Variants in ATP1B2 observed in about 807,000 individuals in gnomAD.
ATP1B2 encodes sodium/potassium-transporting ATPase subunit beta-2.
ATP1B2 carries 12 observed loss-of-function variants against 37.3 expected under a neutral mutation model. The observed-to-expected ratio is 0.32, with a 90% confidence interval of 0.21 to 0.52. The LOEUF (loss-of-function observed/expected upper bound fraction) is 0.52, where lower values mean the gene tolerates loss of function less well. ATP1B2 is among the 20% of genes least tolerant of loss of function. The probability of loss-of-function intolerance (pLI) is 0.96; values close to 1 mark genes in which losing one functional copy is unlikely to be tolerated. For synonymous variants in ATP1B2, 139 were observed against 140.5 expected (o/e 0.99, Z 0.07); for missense variants, 324 against 391.6 (o/e 0.83, Z 1.46).
chr17:7,650,255 G>A (rs2072601295), upstream of ATP1B2, among the ~76,000 whole-genome samples: 1 of 152,136 alleles, frequency 6.6e-6, no homozygotes, highest in Non-Finnish European at 1.5e-5. Context: ...GCAGTGCTGG[G>A]GACTGGGAAT....
In ATP1B2 at chr17:7,653,490, C is replaced by T; in HGVS notation, c.229C>T (p.Leu77=). ...SDHTPKYQDR[L]ATPGLMIRPK... ...CCATACCCCCAAGTACCAGGACCGA[C>T]TGGCCACACCGGGTGAGTGTGGAGG... The change falls in exon 2 of 7, where the codon CTG becomes TTG. Residue 77 remains leucine (L), a synonymous_variant. Coordinates refer to ENST00000250111, the MANE Select transcript of ATP1B2 (RefSeq NM_001678.5). The T allele has an allele frequency of 6.2e-7, 1 of 1,614,158 alleles. No individual in the cohort carries two copies. The highest frequency in any genetic ancestry group is 8.5e-7 in the Non-Finnish European group (1 of 1,180,008).
chr17:7,654,232 C>T lies in ATP1B2; in HGVS notation c.527C>T (p.Pro176Leu). 3 of 1,614,040 alleles carry T rather than the reference C, an allele frequency of 1.9e-6. No homozygotes were observed. The highest frequency in any genetic ancestry group is 2.5e-6 in the Non-Finnish European group (3 of 1,179,926). Residue 176 changes from proline (P) to leucine (L), a missense_variant, in exon 4 of 7, where the codon CCC becomes CTC. Pro to Leu is a moderately conservative substitution (Grantham distance 98, BLOSUM62 -3). Transcript: ENST00000250111. The surrounding 1 kb of genome is among the most constrained non-coding windows in gnomAD (Gnocchi z 4.9). ...STHYGYSTGQPCVFIKMNRVI... is the reference protein window; with the variant it reads ...STHYGYSTGQLCVFIKMNRVI... ...CACTATGGTTACAGCACTGGGCAGC[C>T]CTGTGTCTTCATCAAGATGAACCGG...
At chr17:7,650,906 G>A (rs1200098050), upstream of ATP1B2, among the ~76,000 whole-genome samples, 6 of 152,166 alleles carry the variant, frequency 3.9e-5, no homozygotes, top group African/African-American at 1.4e-4. Flanking sequence ...TAAAGACCGC[G>A]CTCGGCGACC....
chr17:7,648,812 G>T (rs557329284), upstream of ATP1B2, among the ~76,000 whole-genome samples: 1 of 152,122 alleles, frequency 6.6e-6, no homozygotes, highest in Admixed American at 6.5e-5. Flanking sequence ...TAGCCTGTAG[G>T]ATAGAGTCCT....
rs1462695842 is a variant in ATP1B2 at position 7,654,023 on chromosome 17, C to A, written c.347-29C>A. ...GGACCTTGGAAGTGGAACATCTGGCCCCTGAGTCTCTCCCTCCCACCTCTT... is the reference window on the plus strand; with the variant it reads ...GGACCTTGGAAGTGGAACATCTGGCACCTGAGTCTCTCCCTCCCACCTCTT... On this transcript the variant is annotated intron_variant, in intron 3 of 6. Transcript: ENST00000250111. This position sits in a 1 kb window ranked among gnomAD's most constrained non-coding sequence, Gnocchi z 4.9. 1.2e-6 allele frequency: 2 copies of A among 1,613,346 alleles called. No individual in the cohort carries two copies. The highest frequency in any genetic ancestry group is 2.7e-5 in the African/African-American group (2 of 74,886).
chr17:7,648,439 C>T (rs1440315761), upstream of ATP1B2, among the ~76,000 whole-genome samples: 1 of 151,268 alleles, frequency 6.6e-6, no homozygotes, highest in Non-Finnish European at 1.5e-5. Context: ...ATTAGCCGGG[C>T]GTGGTGGTAG....
Position 7,655,484 on chromosome 17 carries a change from C to T in ATP1B2, c.610-43C>T, listed in dbSNP as rs2072643590. 2.5e-6 allele frequency: 4 copies of T among 1,590,164 alleles called. No homozygotes were observed. ...GTCTGGTGAGCTCCTGGGTGCCTGC[C>T]ATCCCTAACTGGCTCACCCCCTATC... On this transcript the variant is annotated intron_variant, in intron 5 of 6. Coordinates refer to ENST00000250111, the MANE Select transcript of ATP1B2 (RefSeq NM_001678.5). This position sits in a 1 kb window ranked among gnomAD's most constrained non-coding sequence, Gnocchi z 4.4.
Position 7,657,331 on chromosome 17 carries a change from A to C in ATP1B2, c.*1436A>C, listed in dbSNP as rs1177560321. The C allele has an allele frequency of 6.6e-6, 1 of 151,884 alleles. No homozygotes were observed. Among genetic ancestry groups the C allele is most frequent in the Admixed American group, 6.6e-5 (1 of 15,224 alleles). 9.4% of individuals were successfully genotyped at this position (151,884 alleles called of 1,614,324 possible). On this transcript the variant is annotated 3_prime_UTR_variant, in exon 7 of 7. Coordinates refer to ENST00000250111, the MANE Select transcript of ATP1B2 (RefSeq NM_001678.5). ...CTGCATGCCAGCCTGAAAATTCCAAATCTAGCCTCTGAATGTCTTGGCTCC... is the reference window on the plus strand; with the variant it reads ...CTGCATGCCAGCCTGAAAATTCCAACTCTAGCCTCTGAATGTCTTGGCTCC...
At chr17:7,650,048 TG>T (rs1283557342), upstream of ATP1B2, among the ~76,000 whole-genome samples, 1 of 152,194 alleles carries the variant, frequency 6.6e-6, no homozygotes, top group Non-Finnish European at 1.5e-5. Flanking sequence ...CGCCCTAGAC[TG>T]TGAGCCCCGT....
chr17:7,656,459 C>G lies in ATP1B2; in HGVS notation c.*564C>G, dbSNP rs73246870. The G allele has an allele frequency of 0.058, 9,182 of 157,246 alleles. 924 individuals carry two copies. The highest frequency in any genetic ancestry group is 0.21 in the African/African-American group (8,604 of 41,518). The allele number at this position is 157,246 out of a possible 1,614,324, so 9.7% of individuals were successfully genotyped here. ...GCTCCTGGGCAGGTCTTCTCCTCCT[C>G]TCCATCCCTATTCCCTCCTCTGAAA... On this transcript the variant is annotated 3_prime_UTR_variant, in exon 7 of 7. Coordinates refer to ENST00000250111, the MANE Select transcript of ATP1B2 (RefSeq NM_001678.5).
chr17:7,655,713 A>G lies in ATP1B2; in HGVS notation c.709-18A>G, dbSNP rs1398251614. ...GCGTTGCCCCAGGCCTAGACCCTGC[A>G]CTGCTCCTCCGGCCCAGGTGAACTA... On this transcript the variant is annotated intron_variant, in intron 6 of 6. Transcript: ENST00000250111. The surrounding 1 kb of genome is among the most constrained non-coding windows in gnomAD (Gnocchi z 4.4). 6 of 1,613,874 alleles carry G rather than the reference A, an allele frequency of 3.7e-6. No homozygotes were observed. Among genetic ancestry groups the G allele is most frequent in the Non-Finnish European group, 5.1e-6 (6 of 1,179,950 alleles).
In ATP1B2 at chr17:7,656,941, A is replaced by G. The variant is rs1313838756; in HGVS notation, c.*1046A>G. ...GGTGATCCACCTGCCTCGGCCTCCCAAAGTGTTGGGATTACAGGCGTGAGC... is the reference window on the plus strand; with the variant it reads ...GGTGATCCACCTGCCTCGGCCTCCCGAAGTGTTGGGATTACAGGCGTGAGC... On this transcript the variant is annotated 3_prime_UTR_variant, in exon 7 of 7. Coordinates refer to ENST00000250111, the MANE Select transcript of ATP1B2 (RefSeq NM_001678.5). The G allele has an allele frequency of 6.7e-6, 1 of 148,622 alleles. No homozygotes were observed. Among genetic ancestry groups the G allele is most frequent in the East Asian group, 2.0e-4 (1 of 5,038 alleles). The allele number at this position is 148,622 out of a possible 1,614,324, so 9.2% of individuals were successfully genotyped here. A position where few individuals can be genotyped will look rare whatever the true frequency, so the allele number is the denominator to read the frequency against.
Position 7,651,621 on chromosome 17 carries a change from A to G in ATP1B2, c.103A>G (p.Thr35Ala). The change falls in exon 1 of 7, where the codon ACC (threonine) becomes GCC (alanine). Residue 35 changes from threonine to alanine, a missense_variant. By Grantham distance (58) the Thr-to-Ala change is moderately conservative. Transcript: ENST00000250111. The part of the protein sequence containing the change: ...RTHQFMGRTG[T>A]SWAFILLFYL... ...GCACCAGTTTATGGGCCGCACCGGG[A>G]CCAGCTGGGGTACGCAGGGCCGGCA... The G allele has an allele frequency of 6.3e-7, 1 of 1,599,560 alleles. No homozygotes were observed. The highest frequency in any genetic ancestry group is 1.1e-5 in the South Asian group (1 of 89,026).
upstream of ATP1B2, among the ~76,000 whole-genome samples, chr17:7,647,596 G>A (rs943466404): frequency 3.3e-5 from 5 of 152,102 alleles, no homozygotes; most frequent in African/African-American, 7.2e-5. Context: ...CGAGGTGGGC[G>A]GATCACGAGG....
chr17:7,649,356 G>A (rs2072594455), upstream of ATP1B2, among the ~76,000 whole-genome samples: 1 of 151,962 alleles, frequency 6.6e-6, no homozygotes, highest in African/African-American at 2.4e-5. Flanking sequence ...TTACAGGCAT[G>A]AGCCACTGGG....
chr17:7,654,838 C>A lies in ATP1B2; in HGVS notation c.609+154C>A. ...AAGGGGGTAAGAGTGGGCTTTTGGG[C>A]TCCACTGTAGCTTGAACTCCGAGGG... On this transcript the variant is annotated intron_variant, in intron 5 of 6. Transcript: ENST00000250111. The surrounding 1 kb of genome is among the most constrained non-coding windows in gnomAD (Gnocchi z 4.9). The A allele has an allele frequency of 1.2e-6, 1 of 820,664 alleles. No individual in the cohort carries two copies. Among genetic ancestry groups the A allele is most frequent in the Non-Finnish European group, 2.0e-6 (1 of 512,288 alleles). 50.8% of individuals were successfully genotyped at this position (820,664 alleles called of 1,614,324 possible).
Position 7,655,487 on chromosome 17 carries a change from C to T in ATP1B2, c.610-40C>T. On this transcript the variant is annotated intron_variant, in intron 5 of 6. Transcript: ENST00000250111. The surrounding 1 kb of genome is among the most constrained non-coding windows in gnomAD (Gnocchi z 4.4). ...TGGTGAGCTCCTGGGTGCCTGCCAT[C>T]CCTAACTGGCTCACCCCCTATCTTC... 6.3e-7 allele frequency: 1 copy of T among 1,599,508 alleles called. No homozygotes were observed. Among genetic ancestry groups the T allele is most frequent in the Non-Finnish European group, 8.6e-7 (1 of 1,167,164 alleles).
chr17:7,654,813 A>AAG lies in ATP1B2; in HGVS notation c.609+130_609+131dup, dbSNP rs1567532752. On this transcript the variant is annotated intron_variant, in intron 5 of 6. Coordinates refer to ENST00000250111, the MANE Select transcript of ATP1B2 (RefSeq NM_001678.5). This position sits in a 1 kb window ranked among gnomAD's most constrained non-coding sequence, Gnocchi z 4.9. ...CTAGAGGCCCCATCACCATAGAAAC[A>AAG]AGGGGGTAAGAGTGGGCTTTTGGGC... 1 of 1,119,762 alleles carries AAG rather than the reference A, an allele frequency of 8.9e-7. No individual in the cohort carries two copies. The highest frequency in any genetic ancestry group is 2.5e-5 in the East Asian group (1 of 40,220). The allele number at this position is 1,119,762 out of a possible 1,614,324, so 69.4% of individuals were successfully genotyped here.
upstream of ATP1B2, among the ~76,000 whole-genome samples, chr17:7,648,237 C>G (rs1218452938): frequency 6.6e-6 from 1 of 151,864 alleles, no homozygotes; most frequent in African/African-American, 2.4e-5. Context: ...AAGACCCTGT[C>G]TCTAAAACAA....
Sources: gnomAD v4.1 joint callset for allele counts (sites outside exome capture counted in the v4.1 genomes callset) on GRCh38, gnomAD v4.1.1 for gene constraint, Gnocchi (gnomAD v3.1) non-coding constraint, MANE v1.5 for transcripts, NCBI Gene and HGNC (gene_info 2026-07-23, HGNC 2026-07-21) for gene names.